ZNF462: variants seen among roughly 807,000 people sequenced by gnomAD.
The protein encoded by ZNF462 is zinc finger PBX1-interacting protein.
In ZNF462, 10 loss-of-function variants were observed where a neutral mutation model predicts 201.9. The observed-to-expected ratio is 0.05, with a 90% CI of 0.03 to 0.08. The LOEUF is 0.08. Among genes scored for constraint, ZNF462 ranks in the 10% least tolerant of loss-of-function variants. The probability of loss-of-function intolerance (pLI) is 1.00; values close to 1 mark genes in which losing one functional copy is unlikely to be tolerated. For missense variants in ZNF462, 2,523 were observed against 3,168.3 expected, an observed-to-expected ratio of 0.80 and a Z score of 4.89; for synonymous variants, 1,227 against 1,193.3, an observed-to-expected ratio of 1.03 and a Z score of -0.58.
chr9:107,001,416 T>G (rs1829176055), intron 10 of ZNF462, among the ~76,000 whole-genome samples: 1 of 152,144 alleles, frequency 6.6e-6, no homozygotes, highest in Non-Finnish European at 1.5e-5. Context: ...TTTGGGGGAC[T>G]GTTGTGTCTC....
chr9:106,929,916 C>T lies in ZNF462; in HGVS notation c.5847+157C>T, dbSNP rs1249011820. 6.6e-6 allele frequency among the ~76,000 whole-genome samples: 1 copy of T among 152,124 alleles called. No individual in the cohort carries two copies. Among genetic ancestry groups the T allele is most frequent in the Non-Finnish European group, 1.5e-5 (1 of 68,028 alleles). ...AATTAAACATTTCGAGCTTGATTAT[C>T]TCCCATTCTGTGCTCACCCCTCTCC... On this transcript the variant is annotated intron_variant, in intron 3 of 12. Transcript: ENST00000277225. The surrounding 1 kb of genome is among the most constrained non-coding windows in gnomAD (Gnocchi z 8.7).
chr9:106,881,064 G>T (rs1207959209), intron 1 of ZNF462, among the ~76,000 whole-genome samples: 3 of 152,168 alleles, frequency 2.0e-5, no homozygotes, highest in Admixed American at 2.0e-4. Flanking sequence ...GCAGGCCTTG[G>T]CATGCTTCGC....
In ZNF462 at chr9:106,930,862, T is replaced by A; in HGVS notation, c.6012+173T>A. On this transcript the variant is annotated intron_variant, in intron 4 of 12. Transcript: ENST00000277225. The surrounding 1 kb of genome is among the most constrained non-coding windows in gnomAD (Gnocchi z 5.8). The stretch of plus-strand genomic sequence containing the variant: ...CTTTGCAGGTTGGACCTTCCTCATC[T>A]TTCTGTTCAGGGAAAGGTCGAGTTT... 2 of 738,154 alleles carry A rather than the reference T, an allele frequency of 2.7e-6. No homozygotes were observed. The highest frequency in any genetic ancestry group is 4.2e-6 in the Non-Finnish European group (2 of 472,648). 45.7% of individuals were successfully genotyped at this position (738,154 alleles called of 1,614,324 possible). A position where few individuals can be genotyped will look rare whatever the true frequency, so the allele number is the denominator to read the frequency against.
intron 7 of ZNF462, among the ~76,000 whole-genome samples, chr9:106,951,252 C>T (rs1325325477): frequency 6.6e-6 from 1 of 152,156 alleles, no homozygotes; most frequent in African/African-American, 2.4e-5. Flanking sequence ...TTTCACTGTA[C>T]TTCTTTCTCT....
At chr9:106,860,836 C>T (rs867506474), upstream of ZNF462, among the ~76,000 whole-genome samples, 17 of 152,112 alleles carry the variant, frequency 1.1e-4, no homozygotes, top group Admixed American at 3.3e-4. This position sits in a 1 kb window ranked among gnomAD's most constrained non-coding sequence, Gnocchi z 7.1. Context: ...AGGAGGACTT[C>T]CCTAGGTCCC....
rs1291600118 is a variant in ZNF462, at chr9:106,968,980, C to CT, written c.6428-3020dup. On this transcript the variant is annotated intron_variant, in intron 7 of 12. Transcript: ENST00000277225. This position sits in a 1 kb window ranked among gnomAD's most constrained non-coding sequence, Gnocchi z 4.0. Reference sequence around the variant, plus strand: ...AATTTTATGTAGCTTAGCAAGTGGGCTTTTTAAAGATCGGTGGAATGATAC... The same window carrying CT: ...AATTTTATGTAGCTTAGCAAGTGGGCTTTTTTAAAGATCGGTGGAATGATAC... Among the ~76,000 whole-genome samples the CT allele has an allele frequency of 6.6e-6, 1 of 152,112 alleles. No homozygotes were observed. The highest frequency in any genetic ancestry group is 1.9e-4 in the East Asian group (1 of 5,192).
upstream of ZNF462, among the ~76,000 whole-genome samples, chr9:106,861,117 A>G (rs1473688306): frequency 2.0e-5 from 3 of 151,502 alleles, no homozygotes; most frequent in African/African-American, 7.3e-5. Context: ...CCCGCCATCA[A>G]CACCCTTTTA....
intron 7 of ZNF462, among the ~76,000 whole-genome samples, chr9:106,945,452 C>T (rs1290502956): frequency 6.6e-6 from 1 of 152,078 alleles, no homozygotes; most frequent in African/African-American, 2.4e-5. Context: ...GGGCATCAGC[C>T]CTTCCACACA....
rs557618956 is a variant in ZNF462, at chr9:106,960,410, C to T, written c.6428-11595C>T. On this transcript the variant is annotated intron_variant, in intron 7 of 12. Coordinates refer to ENST00000277225, the MANE Select transcript of ZNF462 (RefSeq NM_021224.6). ...CCCACGGCCTGTGAGCTCTAAATACCATCTGAGGTTGCTCACAAGCTCTCT... is the reference window on the plus strand; with the variant it reads ...CCCACGGCCTGTGAGCTCTAAATACTATCTGAGGTTGCTCACAAGCTCTCT... Among the ~76,000 whole-genome samples the T allele has an allele frequency of 1.2e-4, 19 of 152,226 alleles. No individual in the cohort carries two copies. In the South Asian group the frequency reaches 3.7e-3, roughly 30 times the overall value.
upstream of ZNF462, among the ~76,000 whole-genome samples, chr9:106,860,520 T>G (rs35277765): frequency 4.9e-3 from 752 of 152,008 alleles, 3 homozygotes; most frequent in Non-Finnish European, 8.5e-3. The surrounding 1 kb of genome is among the most constrained non-coding windows in gnomAD (Gnocchi z 7.1). Context: ...ACGGCCCCCA[T>G]CTTAGGACTT....
intron 1 of ZNF462, among the ~76,000 whole-genome samples, chr9:106,900,595 G>C (rs1352165164): frequency 6.6e-6 from 1 of 152,166 alleles, no homozygotes; most frequent in Non-Finnish European, 1.5e-5. Context: ...GCAGGAGTAA[G>C]ATGGCATTGC....
intron 1 of ZNF462, among the ~76,000 whole-genome samples, chr9:106,915,091 A>C (rs1829714902): frequency 6.6e-6 from 1 of 151,862 alleles, no homozygotes; most frequent in Admixed American, 6.6e-5. Flanking sequence ...GCCTCAAAAG[A>C]CTTGCTCTCA....
intron 7 of ZNF462, among the ~76,000 whole-genome samples, chr9:106,943,057 C>CGTGTGTGT (rs577655863): frequency 0.11 from 14,456 of 136,320 alleles, 738 homozygotes; most frequent in African/African-American, 0.13. Context: ...GTTTTGCGCG[C>CGTGTGTGT]GCGTGTGTGT....
chr9:106,930,799 C>A lies in ZNF462; in HGVS notation c.6012+110C>A. ...AGAGCATCTCAGAATGCGGGCATTC[C>A]TGAATTATGCTTGGATTGGTTTGGC... On this transcript the variant is annotated intron_variant, in intron 4 of 12. Transcript: ENST00000277225. The surrounding 1 kb of genome is among the most constrained non-coding windows in gnomAD (Gnocchi z 5.8). 1 of 1,307,860 alleles carries A rather than the reference C, an allele frequency of 7.6e-7. No homozygotes were observed. Among genetic ancestry groups the A allele is most frequent in the Non-Finnish European group, 1.1e-6 (1 of 950,406 alleles). 81.0% of individuals were successfully genotyped at this position (1,307,860 alleles called of 1,614,324 possible). A position where few individuals can be genotyped will look rare whatever the true frequency, so the allele number is the denominator to read the frequency against.
intron 10 of ZNF462, among the ~76,000 whole-genome samples, chr9:106,985,761 C>G (rs956072023): frequency 1.3e-5 from 2 of 152,058 alleles, no homozygotes; most frequent in African/African-American, 4.8e-5. Flanking sequence ...TCATCTGCAC[C>G]CATGGGTTAG....
chr9:106,949,256 A>T (rs1375526309), intron 7 of ZNF462, among the ~76,000 whole-genome samples: 1 of 152,216 alleles, frequency 6.6e-6, no homozygotes, highest in Non-Finnish European at 1.5e-5. Flanking sequence ...CTCCGAGGTC[A>T]GGGACCATTT....
intron 7 of ZNF462, among the ~76,000 whole-genome samples, chr9:106,955,353 A>T (rs909310024): frequency 1.3e-5 from 2 of 152,184 alleles, no homozygotes; most frequent in African/African-American, 4.8e-5. Flanking sequence ...ATACAATAGC[A>T]TTATGTCTAA....
At chr9:106,936,397 G>A (rs561889604) in intron 6 of ZNF462, among the ~76,000 whole-genome samples, 1 of 152,282 alleles carries the variant, frequency 6.6e-6, no homozygotes, top group African/African-American at 2.4e-5. Flanking sequence ...TGTAAGAACT[G>A]CTCAGAACCT....
intron 10 of ZNF462, among the ~76,000 whole-genome samples, chr9:106,991,833 A>ACT (rs199856923): frequency 1.0e-4 from 13 of 127,404 alleles, no homozygotes; most frequent in South Asian, 2.5e-4. Flanking sequence ...CCTTTACAGC[A>ACT]CTCTCTACAC....
Sources: gnomAD v4.1 joint callset for allele counts (sites outside exome capture counted in the v4.1 genomes callset) on GRCh38, gnomAD v4.1.1 for gene constraint, Gnocchi (gnomAD v3.1) non-coding constraint, MANE v1.5 for transcripts, NCBI Gene and HGNC (gene_info 2026-07-23, HGNC 2026-07-21) for gene names.